The following LANCL3 variants were observed in gnomAD, a reference collection of about 807,000 sequenced individuals.
LANCL3 encodes lanC-like protein 3.
LANCL3 carries 19 observed loss-of-function variants against 26.5 expected under a neutral mutation model. That is an observed-to-expected ratio of 0.72 (90% CI 0.50 to 1.05). The LOEUF (loss-of-function observed/expected upper bound fraction) is 1.05, where lower values mean the gene tolerates loss of function less well. Ranked by LOEUF, LANCL3 falls within the 50% of genes least tolerant of loss-of-function variation. LANCL3 has a pLI of 0.00. For missense variants in LANCL3, 318 were observed against 362.7 expected (o/e 0.88, Z 1.00); for synonymous variants, 160 against 166.6 (o/e 0.96, Z 0.30).
rs782489543 is a variant in LANCL3 at position 37,661,759 on chromosome X, G to A, written c.895+2100G>A. The stretch of plus-strand genomic sequence containing the variant: ...TTTATGAACAGTGCAGATGGTTTGA[G>A]GCAGCAGACTAATTCTGTGATTAAA... On this transcript the variant is annotated intron_variant, in intron 3 of 4. Coordinates refer to ENST00000378619, the MANE Select transcript of LANCL3 (RefSeq NM_001170331.2). Among the ~76,000 whole-genome samples the A allele has an allele frequency of 5.3e-5, 6 of 112,204 alleles. No homozygotes were observed. In the South Asian group the frequency reaches 1.9e-3, roughly 35 times the overall value.
Position 37,583,763 on chromosome X carries a change from G to A in LANCL3, c.573+11320G>A, listed in dbSNP as rs188894153. ...AGATATACAATCATGTCATCTGCAA[G>A]CAGGGACAATTTGACTTCCTCTTTT... is the stretch of plus-strand genomic sequence containing the variant. On this transcript the variant is annotated intron_variant, in intron 1 of 4. Coordinates refer to ENST00000378619, the MANE Select transcript of LANCL3 (RefSeq NM_001170331.2). 9.9e-3 allele frequency among the ~76,000 whole-genome samples: 1,104 copies of A among 112,020 alleles called. 7 individuals carry two copies. Among genetic ancestry groups the A allele is most frequent in the African/African-American group, 0.034 (1,040 of 30,813 alleles).
intron 1 of LANCL3, among the ~76,000 whole-genome samples, chrX:37,581,370 A>G (rs1923888695): frequency 8.9e-6 from 1 of 112,400 alleles, no homozygotes; most frequent in South Asian, 3.7e-4. Context: ...GAGCAAATGC[A>G]TGGATTTCTT....
At chrX:37,581,099 T>G (rs1340222750) in intron 1 of LANCL3, among the ~76,000 whole-genome samples, 3 of 110,930 alleles carry the variant, frequency 2.7e-5, no homozygotes, top group Non-Finnish European at 5.7e-5. Context: ...ATGCCGCTCT[T>G]GCTGGTTTAT....
At chrX:37,639,198 C>T (rs1315546140) in intron 1 of LANCL3, among the ~76,000 whole-genome samples, 1 of 100,781 alleles carries the variant, frequency 9.9e-6, no homozygotes, top group Non-Finnish European at 2.0e-5. Context: ...CATATACACA[C>T]ACATATATAC....
At chrX:37,609,097 T>G (rs1243809943) in intron 1 of LANCL3, among the ~76,000 whole-genome samples, 1 of 112,277 alleles carries the variant, frequency 8.9e-6, no homozygotes, top group Non-Finnish European at 1.9e-5. Flanking sequence ...ATTCATCAGC[T>G]AGTTACATTC....
In LANCL3 at chrX:37,572,036, G is replaced by T. The variant is rs1556415567; in HGVS notation, c.166G>T (p.Ala56Ser). The stretch of plus-strand genomic sequence containing the variant: ...CGGCGCGGAGGCCCGAGGGGCGACG[G>T]CGGGGGCTAGCGCCTGCCAGGGGGG... Reference protein sequence around the residue: ...GGGAEARGATAGASACQGGLY... With the variant: ...GGGAEARGATSGASACQGGLY... Residue 56 changes from alanine (A) to serine (S), a missense_variant, in exon 1 of 5, where the codon GCG becomes TCG. By Grantham distance (99) the Ala-to-Ser change is moderately conservative. Coordinates refer to ENST00000378619, the MANE Select transcript of LANCL3 (RefSeq NM_001170331.2). 2 of 1,178,869 alleles carry T rather than the reference G, an allele frequency of 1.7e-6. No individual in the cohort carries two copies. Among genetic ancestry groups the T allele is most frequent in the South Asian group, 1.8e-5 (1 of 54,054 alleles).
At chrX:37,646,326 T>C (rs782820563) in intron 1 of LANCL3, among the ~76,000 whole-genome samples, 1 of 112,352 alleles carries the variant, frequency 8.9e-6, no homozygotes, top group Non-Finnish European at 1.9e-5. Context: ...GAGGTCACTA[T>C]GCACTGTAAG....
intron 2 of LANCL3, among the ~76,000 whole-genome samples, chrX:37,656,505 A>G (rs782492935): frequency 8.9e-6 from 1 of 112,170 alleles, no homozygotes; most frequent in South Asian, 3.7e-4. Context: ...AATTATACCC[A>G]GATTTCAAGA....
intron 1 of LANCL3, among the ~76,000 whole-genome samples, chrX:37,631,803 T>G (rs1186762352): frequency 8.9e-6 from 1 of 111,805 alleles, no homozygotes; most frequent in Non-Finnish European, 1.9e-5. Context: ...TTGATTGCAC[T>G]GTGGTCTGAG....
intron 1 of LANCL3, among the ~76,000 whole-genome samples, chrX:37,643,033 C>T (rs1556426098): frequency 8.9e-6 from 1 of 111,870 alleles, no homozygotes. Context: ...ACTCATTTAA[C>T]AGTGGCTTAG....
intron 1 of LANCL3, among the ~76,000 whole-genome samples, chrX:37,628,825 A>C (rs1429978385): frequency 9.1e-6 from 1 of 109,669 alleles, no homozygotes; most frequent in Admixed American, 9.7e-5. Flanking sequence ...TATGTACCAC[A>C]TTTTCTTAAT....
At chrX:37,641,579 A>G (rs1556425919) in intron 1 of LANCL3, among the ~76,000 whole-genome samples, 1 of 111,516 alleles carries the variant, frequency 9.0e-6, no homozygotes, top group East Asian at 2.8e-4. Flanking sequence ...AGGAAAAAGG[A>G]AGAAAGATCT....
intron 1 of LANCL3, among the ~76,000 whole-genome samples, chrX:37,653,412 C>T (rs183550634): frequency 5.4e-5 from 6 of 112,029 alleles, no homozygotes; most frequent in Admixed American, 1.9e-4. Flanking sequence ...GAATACATCC[C>T]TGAAAATTCA....
intron 1 of LANCL3, among the ~76,000 whole-genome samples, chrX:37,613,667 A>G (rs1924937104): frequency 8.9e-6 from 1 of 112,172 alleles, no homozygotes. Flanking sequence ...GTGCTCTTGT[A>G]TGTTAGCCTT....
intron 1 of LANCL3, among the ~76,000 whole-genome samples, chrX:37,575,448 G>A (rs781995340): frequency 9.0e-6 from 1 of 111,612 alleles, no homozygotes; most frequent in African/African-American, 3.3e-5. Flanking sequence ...CCAGCTTTGT[G>A]TGTGTTTGCA....
At chrX:37,574,466 G>A (rs1252044679) in intron 1 of LANCL3, among the ~76,000 whole-genome samples, 1 of 111,516 alleles carries the variant, frequency 9.0e-6, no homozygotes, top group Non-Finnish European at 1.9e-5. Context: ...ACATTACTGG[G>A]CACATCTTTG....
intron 1 of LANCL3, among the ~76,000 whole-genome samples, chrX:37,591,505 T>G (rs1924278779): frequency 9.0e-6 from 1 of 111,104 alleles, no homozygotes; most frequent in South Asian, 3.8e-4. Flanking sequence ...AAGATGACCG[T>G]GAGATGTGGA....
chrX:37,633,621 T>G (rs1925605276), intron 1 of LANCL3, among the ~76,000 whole-genome samples: 1 of 111,502 alleles, frequency 9.0e-6, no homozygotes, highest in Admixed American at 9.5e-5. Context: ...TGGATGTCCT[T>G]TCTGTTTGTT....
chrX:37,612,063 C>T (rs1924889352), intron 1 of LANCL3, among the ~76,000 whole-genome samples: 1 of 110,632 alleles, frequency 9.0e-6, no homozygotes, highest in Non-Finnish European at 1.9e-5. Context: ...GCCTCAGCCT[C>T]CCGAGTAGCT....
Sources: allele counts gnomAD v4.1 joint callset (sites outside exome capture counted in the v4.1 genomes callset), GRCh38; gene constraint gnomAD v4.1.1; transcripts MANE v1.5; gene names NCBI Gene and HGNC (gene_info 2026-07-23, HGNC 2026-07-21).